ANXA9: variants seen among roughly 807,000 people sequenced by gnomAD.
ANXA9 encodes the protein annexin A9.
A neutral mutation model predicts 51.8 loss-of-function variants in ANXA9; 47 were observed. That is an observed-to-expected ratio of 0.91 (90% confidence interval 0.72 to 1.16). The LOEUF (loss-of-function observed/expected upper bound fraction) is 1.16. Ranked by LOEUF, ANXA9 falls within the 50% of genes most tolerant of loss-of-function variation. The pLI is 0.00. For missense variants in ANXA9, 361 were observed against 424.7 expected (o/e 0.85, Z 1.32); for synonymous variants, 154 against 168.7 (o/e 0.91, Z 0.68).
intron 12 of ANXA9, among the ~76,000 whole-genome samples, chr1:150,991,471 G>A (rs890195513): frequency 4.6e-5 from 7 of 151,676 alleles, no homozygotes; most frequent in Middle Eastern, 3.4e-3. Context: ...TCCTGATCTC[G>A]TGATCCACAC....
chr1:150,993,271 A>G (rs1671748357), intron 12 of ANXA9, among the ~76,000 whole-genome samples: 1 of 151,700 alleles, frequency 6.6e-6, no homozygotes, highest in Non-Finnish European at 1.5e-5. Flanking sequence ...ATAATCAATT[A>G]TAATTCAGGA....
At position 150,995,426 on chromosome 1, in the gene ANXA9, G is replaced by T. The variant is rs1258503409; in HGVS notation, c.*104G>T. On this transcript the variant is annotated 3_prime_UTR_variant, in exon 14 of 14. Coordinates refer to ENST00000368947, the MANE Select transcript of ANXA9 (RefSeq NM_003568.3). ...CCTCCAAGTAGGATAACCCCTCACTGAGCACCACATTCTCTAGCTTCTTGT... is the reference window on the plus strand; with the variant it reads ...CCTCCAAGTAGGATAACCCCTCACTTAGCACCACATTCTCTAGCTTCTTGT... 1 of 974,990 alleles carries T rather than the reference G, an allele frequency of 1.0e-6. No homozygotes were observed. Among genetic ancestry groups the T allele is most frequent in the African/African-American group, 1.7e-5 (1 of 59,446 alleles). 60.4% of individuals were successfully genotyped at this position (974,990 alleles called of 1,614,324 possible).
Position 150,984,308 on chromosome 1 carries a change from CT to C in ANXA9, c.298del (p.Ser100ProfsTer8). ...QDLMKSLQAALSGNLERIVMA... is the reference protein window; with the variant it reads ...QDLMKSLQAAXSGNLERIVMA... ...CCTGATGAAGTCTCTACAGGCAGCA[CT>C]TTCCGGCAACCTGGAGAGGATTGTG... On this transcript the variant is annotated frameshift_variant, in exon 6 of 14. Transcript: ENST00000368947. LOFTEE classifies it high-confidence loss of function. 6.2e-7 allele frequency: 1 copy of C among 1,614,180 alleles called. No homozygotes were observed.
intron 11 of ANXA9, 31 bp downstream of exon 11, chr1:150,988,217 G>A (rs587650739): frequency 3.1e-6 from 5 of 1,614,224 alleles, no homozygotes; most frequent in Admixed American, 3.3e-5. Flanking sequence ...TGTGAAGTAA[G>A]TCTCTCTTGG....
In ANXA9 at chr1:150,984,352, C is replaced by G. The variant is rs1671497206; in HGVS notation, c.339C>G (p.Pro113=). 6.2e-7 allele frequency: 1 copy of G among 1,614,162 alleles called. No individual in the cohort carries two copies. The highest frequency in any genetic ancestry group is 1.7e-5 in the Admixed American group (1 of 60,020). ...GGATTGTGATGGCTCTGCTGCAGCC[C>G]ACAGCCCAGTTTGACGCCCAGGAAT... ...LERIVMALLQ[P]TAQFDAQELR... is the part of the protein sequence containing the mutation. Residue 113 remains proline, a synonymous_variant, in exon 6 of 14, where the codon CCC becomes CCG. Transcript: ENST00000368947.
At chr1:150,983,545 C>T in intron 4 of ANXA9, 111 bp downstream of exon 4, 1 of 1,094,290 alleles carries the variant, frequency 9.1e-7, no homozygotes, top group Non-Finnish European at 1.3e-6. Flanking sequence ...TGTGGAATGC[C>T]TTCATTCTTG....
At chr1:150,991,322 C>A (rs188804929) in intron 12 of ANXA9, among the ~76,000 whole-genome samples, 1 of 149,202 alleles carries the variant, frequency 6.7e-6, no homozygotes, top group African/African-American at 2.5e-5. Flanking sequence ...TTGCAACCTC[C>A]GCCTCCCGAG....
At chr1:150,984,764 A>G (rs916132739) in intron 7 of ANXA9, 88 bp downstream of exon 7, 7 of 1,147,332 alleles carry the variant, frequency 6.1e-6, no homozygotes, top group African/African-American at 3.1e-5. Context: ...TAGGTGAGCT[A>G]TCTGGCAACC....
At chr1:150,986,148 G>C (rs1026950170) in intron 7 of ANXA9, among the ~76,000 whole-genome samples, 188 bp from the exon 8 acceptor site, 3 of 152,134 alleles carry the variant, frequency 2.0e-5, no homozygotes, top group African/African-American at 7.2e-5. Context: ...TCACAACTTA[G>C]AGATGTTTTT....
At chr1:150,993,186 GAAAA>G (rs931593608) in intron 12 of ANXA9, among the ~76,000 whole-genome samples, 3 of 141,500 alleles carry the variant, frequency 2.1e-5, no homozygotes, top group African/African-American at 7.8e-5. Context: ...CTGGTGCACA[GAAAA>G]AAAAAAACAC....
chr1:150,991,429 G>A (rs1671695808), intron 12 of ANXA9, among the ~76,000 whole-genome samples: 1 of 151,870 alleles, frequency 6.6e-6, no homozygotes, highest in East Asian at 2.0e-4. Context: ...TAGAGACGGA[G>A]TTTCACCATG....
rs113700907 is a variant in ANXA9, at chr1:150,984,033, G to A, written c.231G>A (p.Gln77=). ...CCAACCGGAGCAGAGAGCAAAGGCA[G>A]CTCATCTCACGAAACTTCCAGGAGC... ...VLTNRSREQR[Q]LISRNFQERT... The change falls in exon 5 of 14, where the codon CAG becomes CAA. Residue 77 remains glutamine, a synonymous_variant. Transcript: ENST00000368947. 57 of 1,611,888 alleles carry A rather than the reference G, an allele frequency of 3.5e-5. 2 individuals carry two copies. Among genetic ancestry groups the A allele is most frequent in the African/African-American group, 2.9e-4 (22 of 74,890 alleles).
chr1:150,979,969 A>G (rs980882674), upstream of ANXA9, among the ~76,000 whole-genome samples: 1 of 152,218 alleles, frequency 6.6e-6, no homozygotes, highest in Non-Finnish European at 1.5e-5. Context: ...AAGGTCACAC[A>G]GAAGACCAGA....
rs1179545641 is a variant in ANXA9 at position 150,984,369 on chromosome 1, C to T, written c.356C>T (p.Ala119Val). The T allele has an allele frequency of 6.2e-7, 1 of 1,614,014 alleles. No homozygotes were observed. Among genetic ancestry groups the T allele is most frequent in the Non-Finnish European group, 8.5e-7 (1 of 1,180,026 alleles). The change falls in exon 6 of 14, where the codon GCC becomes GTC. Residue 119 changes from alanine (A) to valine (V), a missense_variant. Ala to Val is a moderately conservative substitution (Grantham distance 64). Transcript: ENST00000368947. ...ALLQPTAQFD[A>V]QELRTALKAS... is the part of the protein sequence containing the mutation. The stretch of plus-strand genomic sequence containing the variant: ...CTGCAGCCCACAGCCCAGTTTGACG[C>T]CCAGGAATTGAGGACAGCTCTGAAG...
rs1220942330 is a variant in ANXA9 at position 150,988,106 on chromosome 1, A to C, written c.713A>C (p.Gln238Pro). The change falls in exon 11 of 14, where the codon CAG becomes CCG. Residue 238 changes from glutamine to proline, a missense_variant. Gln to Pro is a moderately conservative substitution (Grantham distance 76). Transcript: ENST00000368947. Reference sequence around the variant, plus strand: ...CACACACAAGTGTTTGATCAGTACCAGCGGAGCACTGGGCAAGAGCTGGAG... The same window carrying C: ...CACACACAAGTGTTTGATCAGTACCCGCGGAGCACTGGGCAAGAGCTGGAG... ...EHLIRVFDQY[Q>P]RSTGQELEEA... The C allele has an allele frequency of 1.2e-5, 20 of 1,614,082 alleles. No individual in the cohort carries two copies. The highest frequency in any genetic ancestry group is 1.5e-5 in the Non-Finnish European group (18 of 1,180,044).
In ANXA9 at chr1:150,983,528, A is replaced by C. The variant is rs587652331; in HGVS notation, c.172+94A>C. The C allele has an allele frequency of 9.0e-5, 113 of 1,256,738 alleles. No homozygotes were observed. The African/African-American group carries it at 1.6e-3, about 18-fold the overall frequency. 77.8% of individuals were successfully genotyped at this position (1,256,738 alleles called of 1,614,324 possible). Reference sequence around the variant, plus strand: ...GAAGGAGGAACTAGTGATGTTGGAGAAATGTTTGTGGAATGCCTTCATTCT... The same window carrying C: ...GAAGGAGGAACTAGTGATGTTGGAGCAATGTTTGTGGAATGCCTTCATTCT... On this transcript the variant is annotated intron_variant, in intron 4 of 13. Transcript: ENST00000368947.
At chr1:150,987,515 G>A (rs1435675189) in intron 9 of ANXA9, among the ~76,000 whole-genome samples, 3 of 151,828 alleles carry the variant, frequency 2.0e-5, no homozygotes, top group African/African-American at 4.8e-5. Flanking sequence ...ATCACTTGAG[G>A]TCAGGAGTTC....
At chr1:150,987,071 T>C (rs1671577402) in intron 9 of ANXA9, among the ~76,000 whole-genome samples, 1 of 151,818 alleles carries the variant, frequency 6.6e-6, no homozygotes, top group Non-Finnish European at 1.5e-5. Context: ...AAAACATAAA[T>C]AAAAACAACT....
intron 12 of ANXA9, among the ~76,000 whole-genome samples, chr1:150,988,565 G>A (rs1426006567): frequency 6.6e-6 from 1 of 152,178 alleles, no homozygotes; most frequent in African/African-American, 2.4e-5. Flanking sequence ...TTTTGGCCTT[G>A]TTAATGTCTA....
Sources: gnomAD v4.1 joint callset for allele counts (sites outside exome capture counted in the v4.1 genomes callset) on GRCh38, gnomAD v4.1.1 for gene constraint, MANE v1.5 for transcripts, NCBI Gene and HGNC (gene_info 2026-07-23, HGNC 2026-07-21) for gene names.